The following UNC80 variants were observed in gnomAD, a reference collection of about 807,000 sequenced individuals.
UNC80 encodes protein unc-80 homolog.
Under a neutral mutation model 384.6 loss-of-function variants are expected in UNC80, and 164 were observed. The ratio of observed to expected loss-of-function variants is 0.43; its 90% CI spans 0.38 to 0.49. The LOEUF (loss-of-function observed/expected upper bound fraction) is 0.49. Among genes scored for constraint, UNC80 ranks in the 20% least tolerant of loss-of-function variants. UNC80 has a pLI of 0.00. For synonymous variants in UNC80, 1,486 were observed against 1,527.8 expected, an observed-to-expected ratio of 0.97 and a Z score of 0.64; for missense variants, 3,330 against 4,143.0, an observed-to-expected ratio of 0.80 and a Z score of 5.39.
At position 209,777,350 on chromosome 2, in the gene UNC80, C is replaced by G; in HGVS notation, c.391C>G (p.Arg131Gly). 6.2e-7 allele frequency: 1 copy of G among 1,614,168 alleles called. No individual in the cohort carries two copies. ...LEAPQDCNNE[R>G]FGGTDRGSSW... Reference sequence around the variant, plus strand: ...GGCCCCCCAGGACTGCAACAATGAGCGGTTTGGGGGTACAGACCGAGGCTC... The same window carrying G: ...GGCCCCCCAGGACTGCAACAATGAGGGGTTTGGGGGTACAGACCGAGGCTC... The change falls in exon 4 of 65, where the codon CGG becomes GGG. Residue 131 changes from arginine (R) to glycine (G), a missense_variant. Around this residue, in one of 8 missense-constraint regions of UNC80, gnomAD observed 937 missense variants for 1,026.8 expected, o/e 0.91. Coordinates refer to ENST00000673920, the MANE Select transcript of UNC80 (RefSeq NM_001371986.1).
chr2:209,850,056 T>G (rs2082414924), intron 22 of UNC80, among the ~76,000 whole-genome samples: 1 of 152,114 alleles, frequency 6.6e-6, no homozygotes, highest in African/African-American at 2.4e-5. Context: ...ATGTCTGCCA[T>G]GTATTAGTCC....
At chr2:209,772,664 A>C (rs2076643180) in intron 1 of UNC80, among the ~76,000 whole-genome samples, 1 of 152,198 alleles carries the variant, frequency 6.6e-6, no homozygotes, top group South Asian at 2.1e-4. Flanking sequence ...AACCCCGGAA[A>C]GGCCTGACAC....
At chr2:209,894,661 C>T (rs1376024532) in intron 27 of UNC80, among the ~76,000 whole-genome samples, 1 of 152,140 alleles carries the variant, frequency 6.6e-6, no homozygotes, top group Non-Finnish European at 1.5e-5. Context: ...GGAGCCGATG[C>T]TGCTGATTTC....
At position 209,777,481 on chromosome 2, in the gene UNC80, A is replaced by C. The variant is rs1240966448; in HGVS notation, c.522A>C (p.Arg174=). 1 of 1,614,080 alleles carries C rather than the reference A, an allele frequency of 6.2e-7. No individual in the cohort carries two copies. The highest frequency in any genetic ancestry group is 1.3e-5 in the African/African-American group (1 of 74,910). ...SSSNDEEENN[R]RKIFQNSMAT... is the part of the protein sequence containing the mutation. ...CTAATGACGAAGAAGAGAACAACCGAAGAAAGATCTTCCAGAACTCCATGG... is the reference window on the plus strand; with the variant it reads ...CTAATGACGAAGAAGAGAACAACCGCAGAAAGATCTTCCAGAACTCCATGG... The change falls in exon 4 of 65, where the codon CGA becomes CGC. Residue 174 remains arginine (R), a synonymous_variant. Transcript: ENST00000673920.
At position 209,904,746 on chromosome 2, in the gene UNC80, A is replaced by C. The variant is rs1457374578; in HGVS notation, c.4582-19A>C. ...TACCCTGGTTGCCTGGCTGAGTCTC[A>C]GGAATGTTTGTATTCCAGGTGATGA... On this transcript the variant is annotated intron_variant, in intron 28 of 64. Coordinates refer to ENST00000673920, the MANE Select transcript of UNC80 (RefSeq NM_001371986.1). 1 of 1,551,200 alleles carries C rather than the reference A, an allele frequency of 6.4e-7. No homozygotes were observed. The highest frequency in any genetic ancestry group is 2.0e-5 in the Admixed American group (1 of 51,012).
chr2:209,951,020 A>G (rs1326060375), intron 47 of UNC80, among the ~76,000 whole-genome samples: 3 of 152,028 alleles, frequency 2.0e-5, no homozygotes, highest in Non-Finnish European at 4.4e-5. Flanking sequence ...AAAAAATACA[A>G]AAATTAGCGG....
intron 25 of UNC80, among the ~76,000 whole-genome samples, chr2:209,885,237 T>C (rs1430700178): frequency 2.0e-5 from 3 of 152,028 alleles, no homozygotes; most frequent in African/African-American, 7.2e-5. Context: ...GGGATGAAGG[T>C]GATACAGAAA....
At chr2:209,979,083 T>C (rs2093088755) in intron 59 of UNC80, among the ~76,000 whole-genome samples, 1 of 152,092 alleles carries the variant, frequency 6.6e-6, no homozygotes, top group Non-Finnish European at 1.5e-5. Context: ...ATCCCATCTC[T>C]ACTAAAAATA....
intron 54 of UNC80, 123 bp from the exon 55 acceptor site, chr2:209,972,078 T>C (rs924786801): frequency 2.5e-6 from 3 of 1,218,746 alleles, no homozygotes; most frequent in South Asian, 1.6e-5. Flanking sequence ...CAGACAACAA[T>C]TGAACTCATA....
chr2:209,966,244 TATCTTGACAAAGAATATGAACA>T, intron 51 of UNC80, among the ~76,000 whole-genome samples: 1 of 152,228 alleles, frequency 6.6e-6, no homozygotes, highest in East Asian at 1.9e-4. Context: ...GAATTTTCAC[TATCTTGACAAAGAATATGAACA>T]TTTCAGCCAC....
At chr2:209,975,963 A>T (rs1298681046) in intron 56 of UNC80, among the ~76,000 whole-genome samples, 156 bp from the exon 57 acceptor site, 2 of 152,180 alleles carry the variant, frequency 1.3e-5, no homozygotes, top group Non-Finnish European at 2.9e-5. Flanking sequence ...TGTACAGAAT[A>T]CTCTTGCTCG....
At chr2:209,928,899 G>A (rs1004992078) in intron 36 of UNC80, among the ~76,000 whole-genome samples, 2 of 151,930 alleles carry the variant, frequency 1.3e-5, no homozygotes, top group Admixed American at 1.3e-4. Flanking sequence ...AACTTATTTA[G>A]CTTCTACAAA....
chr2:209,773,160 T>A lies in UNC80; in HGVS notation c.141+18T>A. The A allele has an allele frequency of 1.2e-6, 2 of 1,610,140 alleles. No homozygotes were observed. The highest frequency in any genetic ancestry group is 1.7e-6 in the Non-Finnish European group (2 of 1,176,950). On this transcript the variant is annotated intron_variant, in intron 2 of 64. Coordinates refer to ENST00000673920, the MANE Select transcript of UNC80 (RefSeq NM_001371986.1). ...CTTGTGTGGTATGTGATTTTCACCA[T>A]TTAATAATTATTTCCCTATTCTGTG...
At chr2:209,977,158 C>A in intron 58 of UNC80, 80 bp downstream of exon 58, 1 of 1,314,012 alleles carries the variant, frequency 7.6e-7, no homozygotes, top group Non-Finnish European at 1.0e-6. Context: ...GTCCAGGTCA[C>A]CACACTTTTT....
At chr2:209,920,910 C>G (rs911426444) in intron 33 of UNC80, among the ~76,000 whole-genome samples, 27 of 152,120 alleles carry the variant, frequency 1.8e-4, no homozygotes, top group African/African-American at 6.3e-4. Flanking sequence ...TCACTGCAAC[C>G]TCTGCCTCCT....
At chr2:209,775,793 G>T in intron 2 of UNC80, 96 bp from the exon 3 acceptor site, 7 of 1,271,442 alleles carry the variant, frequency 5.5e-6, no homozygotes, top group Non-Finnish European at 7.6e-6. Flanking sequence ...ACAGTACCTT[G>T]CTGTTCATTT....
intron 22 of UNC80, among the ~76,000 whole-genome samples, chr2:209,865,853 A>G (rs1480706498): frequency 6.6e-6 from 1 of 152,168 alleles, no homozygotes; most frequent in Admixed American, 6.5e-5. Flanking sequence ...TTTAATTGAA[A>G]ATCTCTTTAT....
intron 28 of UNC80, among the ~76,000 whole-genome samples, chr2:209,898,764 C>G (rs2087065571): frequency 6.6e-6 from 1 of 152,166 alleles, no homozygotes; most frequent in African/African-American, 2.4e-5. Flanking sequence ...CCTCAACCCC[C>G]TACTACCCTT....
chr2:209,819,349 G>T, intron 12 of UNC80, 88 bp downstream of exon 12: 2 of 1,286,504 alleles, frequency 1.6e-6, no homozygotes, highest in Non-Finnish European at 2.1e-6. Context: ...TGGGCATATA[G>T]ATTCTTAGAA....
Sources: gnomAD v4.1 joint callset for allele counts (sites outside exome capture counted in the v4.1 genomes callset) on GRCh38, gnomAD v4.1.1 for gene constraint, gnomAD v4.1.1 regional missense constraint, MANE v1.5 for transcripts, NCBI Gene and HGNC (gene_info 2026-07-23, HGNC 2026-07-21) for gene names.